MYBL2: variants seen among roughly 807,000 people sequenced by gnomAD.
The protein encoded by MYBL2 is MYB proto-oncogene like 2.
MYBL2 carries 28 observed loss-of-function variants against 79.9 expected under a neutral mutation model. The observed-to-expected ratio is 0.35, with a 90% CI of 0.26 to 0.48. The LOEUF (loss-of-function observed/expected upper bound fraction) is 0.48. MYBL2 is among the 20% of genes least tolerant of loss of function. MYBL2 has a pLI of 0.99. For missense variants in MYBL2, 735 were observed against 893.9 expected (o/e 0.82, Z 2.27); for synonymous variants, 378 against 361.2 (o/e 1.05, Z -0.53).
intron 7 of MYBL2, among the ~76,000 whole-genome samples, chr20:43,700,681 T>C (rs1157753495): frequency 6.6e-6 from 1 of 152,114 alleles, no homozygotes; most frequent in Non-Finnish European, 1.5e-5. Flanking sequence ...CGTGTTCGCC[T>C]TTCCACCCAG....
In MYBL2 at chr20:43,710,056, G is replaced by A; in HGVS notation, c.1599G>A (p.Lys533=). 1.2e-6 allele frequency: 2 copies of A among 1,602,826 alleles called. No homozygotes were observed. The highest frequency in any genetic ancestry group is 1.7e-6 in the Non-Finnish European group (2 of 1,174,402). Residue 533 remains lysine (K), a synonymous_variant, in exon 10 of 14, where the codon AAG becomes AAA. Coordinates refer to ENST00000217026, the MANE Select transcript of MYBL2 (RefSeq NM_002466.4). ...KNALEKYGPL[K]PLPQTPHLEE... is the part of the protein sequence containing the mutation. Reference sequence around the variant, plus strand: ...CCCTGGAGAAGTACGGACCCCTGAAGCCCCTGGTACGTGGTGTGGTCGCTG... The same window carrying A: ...CCCTGGAGAAGTACGGACCCCTGAAACCCCTGGTACGTGGTGTGGTCGCTG...
intron 1 of MYBL2, among the ~76,000 whole-genome samples, chr20:43,668,361 G>A (rs1038485675): frequency 3.3e-5 from 5 of 151,816 alleles, no homozygotes; most frequent in African/African-American, 1.2e-4. Context: ...TCACCACGTC[G>A]GGCTAATTTT....
intron 6 of MYBL2, 38 bp downstream of exon 6, chr20:43,692,357 C>G (rs767802014): frequency 3.7e-6 from 6 of 1,610,620 alleles, no homozygotes; most frequent in Non-Finnish European, 5.1e-6. Context: ...GGTTTGATTT[C>G]ACATTCATCT....
chr20:43,668,668 T>C (rs770119037), intron 1 of MYBL2, among the ~76,000 whole-genome samples: 14 of 147,886 alleles, frequency 9.5e-5, no homozygotes, highest in Non-Finnish European at 1.9e-4. Context: ...TTCAGGCGCC[T>C]ATCAGACCCT....
chr20:43,672,109 G>A (rs1175983077), intron 1 of MYBL2, among the ~76,000 whole-genome samples: 16 of 151,992 alleles, frequency 1.1e-4, no homozygotes, highest in Admixed American at 1.0e-3. Context: ...TACTCAGGAG[G>A]CTGAGGCAGG....
chr20:43,713,071 C>T lies in MYBL2; in HGVS notation c.1789C>T (p.Leu597=). Residue 597 remains leucine (L), a synonymous_variant, in exon 12 of 14, where the codon CTG becomes TTG. Coordinates refer to ENST00000217026, the MANE Select transcript of MYBL2 (RefSeq NM_002466.4). ...ALDIVDEDVK[L]MMSTLPKSLS... is the part of the protein sequence containing the mutation. ...TGACATTGTGGATGAGGATGTGAAGCTGATGATGTCCACACTGCCCAAGTC... is the reference window on the plus strand; with the variant it reads ...TGACATTGTGGATGAGGATGTGAAGTTGATGATGTCCACACTGCCCAAGTC... The T allele has an allele frequency of 3.7e-6, 6 of 1,613,282 alleles. No homozygotes were observed. The highest frequency in any genetic ancestry group is 5.1e-6 in the Non-Finnish European group (6 of 1,179,698).
intron 1 of MYBL2, among the ~76,000 whole-genome samples, chr20:43,670,422 T>G (rs1986828866): frequency 6.6e-6 from 1 of 152,226 alleles, no homozygotes; most frequent in Non-Finnish European, 1.5e-5. Context: ...TCCTTTCCTA[T>G]TTCTGAAAAT....
At chr20:43,711,774 C>T (rs1393938998) in intron 11 of MYBL2, among the ~76,000 whole-genome samples, 173 bp downstream of exon 11, 4 of 152,160 alleles carry the variant, frequency 2.6e-5, no homozygotes, top group African/African-American at 4.8e-5. Flanking sequence ...AAGATAAGGA[C>T]AGTGTCTCTG....
At chr20:43,679,539 C>T (rs966766763) in intron 2 of MYBL2, among the ~76,000 whole-genome samples, 6 of 151,930 alleles carry the variant, frequency 3.9e-5, no homozygotes, top group African/African-American at 7.3e-5. Context: ...GAGGCCGAAG[C>T]GGGAGGATTG....
intron 8 of MYBL2, among the ~76,000 whole-genome samples, chr20:43,703,927 C>T (rs934507365): frequency 4.6e-5 from 7 of 152,030 alleles, no homozygotes; most frequent in African/African-American, 1.7e-4. Flanking sequence ...TCACCTGTGT[C>T]CTAATCTATT....
chr20:43,711,445 C>G lies in MYBL2; in HGVS notation c.1606-43C>G, dbSNP rs754991199. The G allele has an allele frequency of 9.3e-6, 14 of 1,511,308 alleles. No individual in the cohort carries two copies. The African/African-American group carries it at 1.5e-4, about 16-fold the overall frequency. The allele number at this position is 1,511,308 out of a possible 1,614,324, so 93.6% of individuals were successfully genotyped here. A position where few individuals can be genotyped will look rare whatever the true frequency, so the allele number is the denominator to read the frequency against. ...CCCACAGTCCCACACACACACAGCC[C>G]GAGTGTGGTGCCTCACGTGGGCTGC... On this transcript the variant is annotated intron_variant, in intron 10 of 13. Transcript: ENST00000217026.
intron 9 of MYBL2, 40 bp from the exon 10 acceptor site, chr20:43,709,923 C>G: frequency 6.5e-7 from 1 of 1,528,778 alleles, no homozygotes. Flanking sequence ...GGCGTCGGCC[C>G]CTATCCTGTC....
chr20:43,670,109 T>TAAACAAAC (rs368571609), intron 1 of MYBL2, among the ~76,000 whole-genome samples: 11 of 152,104 alleles, frequency 7.2e-5, no homozygotes, highest in African/African-American at 2.7e-4. Flanking sequence ...TATCTCAAAA[T>TAAACAAAC]AAACAAACAA....
At position 43,682,801 on chromosome 20, in the gene MYBL2, C is replaced by A. The variant is rs955722082; in HGVS notation, c.194C>A (p.Thr65Asn). Residue 65 changes from threonine to asparagine, a missense_variant, in exon 4 of 14, where the codon ACT (threonine) becomes AAT (asparagine). By Grantham distance (65) the Thr-to-Asn change is moderately conservative. This residue lies in a region of MYBL2 where 79 missense variants were observed against 86.7 expected (regional missense o/e 0.91). Transcript: ENST00000217026. Reference protein sequence around the residue: ...KFLASHFPNRTDQQCQYRWLR... With the variant: ...KFLASHFPNRNDQQCQYRWLR... ...CTTCTGTTCTTTTCCCAGAACCGCA[C>A]TGACCAGCAATGCCAGTACAGGTGG... 8 of 1,613,998 alleles carry A rather than the reference C, an allele frequency of 5.0e-6. No homozygotes were observed. Among genetic ancestry groups the A allele is most frequent in the East Asian group, 2.2e-5 (1 of 44,872 alleles).
chr20:43,699,915 G>A lies in MYBL2; in HGVS notation c.822G>A (p.Pro274=), dbSNP rs141587061. The A allele has an allele frequency of 6.8e-6, 11 of 1,613,968 alleles. No homozygotes were observed. In the East Asian group the frequency reaches 1.1e-4, roughly 16 times the overall value. The part of the protein sequence containing the change: ...VRTPEPLEEF[P]KREDQEGSPP... ...CACCAGAGCCCTTGGAGGAATTCCC[G>A]AAGCGTGAGGACCAGGAAGGCTCCC... Residue 274 remains proline, a synonymous_variant, in exon 7 of 14, where the codon CCG becomes CCA. Transcript: ENST00000217026.
intron 5 of MYBL2, among the ~76,000 whole-genome samples, chr20:43,690,748 G>C (rs773792291): frequency 2.0e-5 from 3 of 151,760 alleles, no homozygotes; most frequent in Non-Finnish European, 4.4e-5. Context: ...TGTCAGCACA[G>C]TACCTTTGTA....
chr20:43,693,380 C>T lies in MYBL2; in HGVS notation c.663+1061C>T, dbSNP rs536489563. 4.6e-4 allele frequency among the ~76,000 whole-genome samples: 70 copies of T among 152,086 alleles called. 1 individual carries two copies. Among genetic ancestry groups the T allele is most frequent in the South Asian group, 1.9e-3 (9 of 4,818 alleles). Reference sequence around the variant, plus strand: ...TTATTTTTTGAGATGGAGTCTCTGTCGCTCAGGCTGGAGTGCAGTTATATG... The same window carrying T: ...TTATTTTTTGAGATGGAGTCTCTGTTGCTCAGGCTGGAGTGCAGTTATATG... On this transcript the variant is annotated intron_variant, in intron 6 of 13. Coordinates refer to ENST00000217026, the MANE Select transcript of MYBL2 (RefSeq NM_002466.4).
At chr20:43,710,711 T>C (rs1216581227) in intron 10 of MYBL2, among the ~76,000 whole-genome samples, 3 of 152,150 alleles carry the variant, frequency 2.0e-5, no homozygotes, top group African/African-American at 7.2e-5. Flanking sequence ...GAGCCTCCTA[T>C]GAAGCCCAAG....
At chr20:43,684,779 G>C (rs1987227957) in intron 4 of MYBL2, among the ~76,000 whole-genome samples, 1 of 151,210 alleles carries the variant, frequency 6.6e-6, no homozygotes, top group Non-Finnish European at 1.5e-5. Context: ...CGAGGTTACA[G>C]TGAGCTACGA....
Sources: allele counts gnomAD v4.1 joint callset (sites outside exome capture counted in the v4.1 genomes callset), GRCh38; gene constraint gnomAD v4.1.1; regional missense constraint gnomAD v4.1.1; transcripts MANE v1.5; gene names NCBI Gene and HGNC (gene_info 2026-07-23, HGNC 2026-07-21).